The following MAGI2 variants were observed in gnomAD, a reference collection of about 807,000 sequenced individuals.
MAGI2 encodes membrane-associated guanylate kinase, WW and PDZ domain-containing protein 2.
Under a neutral mutation model 133.3 loss-of-function variants are expected in MAGI2, and 35 were observed. The ratio of observed to expected loss-of-function variants is 0.26; its 90% CI spans 0.20 to 0.35. The LOEUF is 0.35. Among genes scored for constraint, MAGI2 ranks in the 10% least tolerant of loss-of-function variants. The pLI is 1.00. For synonymous variants in MAGI2, 729 were observed against 710.6 expected (o/e 1.03, Z -0.41); for missense variants, 1,636 against 1,863.4 (o/e 0.88, Z 2.25).
intron 1 of MAGI2, among the ~76,000 whole-genome samples, chr7:79,186,273 A>T (rs1420305658): frequency 1.5e-5 from 2 of 133,670 alleles, no homozygotes; most frequent in Non-Finnish European, 3.0e-5. Context: ...AACTACATAC[A>T]TTTAAACTAT....
intron 9 of MAGI2, 53 bp downstream of exon 9, chr7:78,343,725 C>T: frequency 1.5e-6 from 2 of 1,351,150 alleles, no homozygotes; most frequent in Non-Finnish European, 1.9e-6. Flanking sequence ...TTATATTTGC[C>T]TTCAGAAAAA....
At chr7:78,366,854 T>C (rs1448356175) in intron 7 of MAGI2, among the ~76,000 whole-genome samples, 2 of 152,170 alleles carry the variant, frequency 1.3e-5, no homozygotes, top group Admixed American at 1.3e-4. Flanking sequence ...TATAAAATCA[T>C]GTAATGGGGA....
intron 3 of MAGI2, among the ~76,000 whole-genome samples, chr7:78,537,882 TGC>T (rs1375526446): frequency 2.6e-5 from 4 of 152,216 alleles, no homozygotes; most frequent in Admixed American, 6.5e-5. Flanking sequence ...TTGTTGTATT[TGC>T]TTTTGAGTTC....
intron 1 of MAGI2, among the ~76,000 whole-genome samples, chr7:79,420,957 T>G (rs1198989290): frequency 6.6e-6 from 1 of 151,980 alleles, no homozygotes; most frequent in Non-Finnish European, 1.5e-5. Flanking sequence ...GGATGTTTTG[T>G]TTATCATTCA....
chr7:78,785,978 T>G (rs1156834297), intron 2 of MAGI2, among the ~76,000 whole-genome samples: 2 of 151,970 alleles, frequency 1.3e-5, no homozygotes, highest in Non-Finnish European at 2.9e-5. Context: ...AGGAGAGAGA[T>G]AGTGAAGCAG....
intron 6 of MAGI2, among the ~76,000 whole-genome samples, chr7:78,473,588 A>G (rs6651114): frequency 0.29 from 44,317 of 151,918 alleles, 7,466 homozygotes; most frequent in African/African-American, 0.46. Flanking sequence ...ACTCAGTGCA[A>G]ACATCCATCT....
chr7:78,932,883 T>C (rs1418149439), intron 2 of MAGI2, among the ~76,000 whole-genome samples: 1 of 152,134 alleles, frequency 6.6e-6, no homozygotes, highest in African/African-American at 2.4e-5. Context: ...GGAAAGACAC[T>C]GACTCCAAAT....
At chr7:78,234,964 T>C (rs1790375433) in intron 10 of MAGI2, among the ~76,000 whole-genome samples, 1 of 152,094 alleles carries the variant, frequency 6.6e-6, no homozygotes, top group Non-Finnish European at 1.5e-5. Context: ...GAGTGAGGAA[T>C]GTGATTTTTT....
intron 1 of MAGI2, among the ~76,000 whole-genome samples, chr7:79,395,731 A>G (rs367584857): frequency 5.3e-5 from 8 of 152,156 alleles, no homozygotes; most frequent in African/African-American, 1.7e-4. Flanking sequence ...ACAAACCTCA[A>G]TGTAAAATCA....
intron 20 of MAGI2, among the ~76,000 whole-genome samples, chr7:78,106,760 T>C (rs1048752227): frequency 3.3e-5 from 5 of 152,182 alleles, no homozygotes; most frequent in African/African-American, 1.2e-4. Flanking sequence ...TGGTTATTAA[T>C]CCCTTGTCAG....
At chr7:78,566,384 G>T (rs1410060593) in intron 3 of MAGI2, among the ~76,000 whole-genome samples, 1 of 151,926 alleles carries the variant, frequency 6.6e-6, no homozygotes, top group Non-Finnish European at 1.5e-5. Flanking sequence ...TGAGAATGGC[G>T]GTTGGAACAG....
chr7:78,268,989 T>G (rs1375517034), intron 9 of MAGI2, among the ~76,000 whole-genome samples: 1 of 152,164 alleles, frequency 6.6e-6, no homozygotes, highest in African/African-American at 2.4e-5. Context: ...CCTATGTCCA[T>G]GTGCTCTCAT....
chr7:79,062,531 G>A (rs1458935172), intron 1 of MAGI2, among the ~76,000 whole-genome samples: 1 of 152,096 alleles, frequency 6.6e-6, no homozygotes, highest in Admixed American at 6.5e-5. Context: ...GAATGGAAAT[G>A]GTGAAATTAA....
chr7:78,058,285 A>G (rs1448099435), intron 21 of MAGI2, among the ~76,000 whole-genome samples: 1 of 151,790 alleles, frequency 6.6e-6, no homozygotes, highest in East Asian at 1.9e-4. Context: ...GGAAGGTGAC[A>G]CAGAGCCTGG....
intron 1 of MAGI2, among the ~76,000 whole-genome samples, chr7:79,372,195 C>T (rs1843091952): frequency 6.6e-6 from 1 of 152,040 alleles, no homozygotes. Flanking sequence ...GGCCAAAGCC[C>T]TGTCAAGTAT....
intron 20 of MAGI2, among the ~76,000 whole-genome samples, chr7:78,118,876 T>C (rs1263627314): frequency 9.8e-5 from 15 of 152,344 alleles, no homozygotes; most frequent in South Asian, 4.1e-4. Flanking sequence ...CTTGGAAACT[T>C]ATGTCCACAC....
intron 7 of MAGI2, among the ~76,000 whole-genome samples, chr7:78,356,305 AG>A (rs1361964852): frequency 6.6e-6 from 1 of 152,192 alleles, no homozygotes; most frequent in Admixed American, 6.5e-5. Context: ...GTTGTAGGCC[AG>A]GTTCAGTTCT....
At chr7:78,271,996 TG>T (rs1475216249) in intron 9 of MAGI2, among the ~76,000 whole-genome samples, 2 of 152,192 alleles carry the variant, frequency 1.3e-5, no homozygotes, top group Admixed American at 1.3e-4. Flanking sequence ...CTTTTGAGTT[TG>T]TATGTTCTTG....
intron 6 of MAGI2, among the ~76,000 whole-genome samples, chr7:78,423,653 G>A (rs1025627897): frequency 6.6e-6 from 1 of 152,142 alleles, no homozygotes; most frequent in Non-Finnish European, 1.5e-5. Context: ...ATAATGACAG[G>A]GACAATAAGG....
Sources: gnomAD v4.1 joint callset for allele counts (sites outside exome capture counted in the v4.1 genomes callset) on GRCh38, gnomAD v4.1.1 for gene constraint, MANE v1.5 for transcripts, NCBI Gene and HGNC (gene_info 2026-07-23, HGNC 2026-07-21) for gene names.